The following CDKL1 variants were observed in gnomAD, a reference collection of about 807,000 sequenced individuals.
The protein encoded by CDKL1 is cyclin-dependent kinase-like 1.
A neutral mutation model predicts 42.0 loss-of-function variants in CDKL1; 41 were observed. The observed-to-expected ratio is 0.98, with a 90% CI of 0.76 to 1.27. The LOEUF is 1.27. CDKL1 is among the 50% of genes most tolerant of loss of function. CDKL1 has a pLI of 0.00. For synonymous variants in CDKL1, 153 were observed against 158.6 expected, an observed-to-expected ratio of 0.96 and a Z score of 0.26; for missense variants, 394 against 428.4, an observed-to-expected ratio of 0.92 and a Z score of 0.71.
At chr14:50,394,113 T>A (rs569230609) in intron 2 of CDKL1, among the ~76,000 whole-genome samples, 1 of 152,338 alleles carries the variant, frequency 6.6e-6, no homozygotes, top group South Asian at 2.1e-4. Flanking sequence ...TTCACAAAAG[T>A]AATCTTCAGA....
chr14:50,383,142 A>AT (rs2034969301), intron 2 of CDKL1, among the ~76,000 whole-genome samples: 1 of 151,824 alleles, frequency 6.6e-6, no homozygotes, highest in Non-Finnish European at 1.5e-5. Flanking sequence ...GTTAGCCAGG[A>AT]GGTCTCCATC....
In CDKL1 at chr14:50,351,249, G is replaced by A. The variant is rs556319279; in HGVS notation, c.291-6191C>T. On this transcript the variant is annotated intron_variant, in intron 3 of 9. Transcript: ENST00000395834. The stretch of plus-strand genomic sequence containing the variant: ...AATGAATCTGACCACAGAGAAATGC[G>A]GCAGGAATTACAAGGATGATGGCAA... Among the ~76,000 whole-genome samples the A allele has an allele frequency of 7.0e-4, 107 of 151,828 alleles. 1 individual carries two copies. The South Asian group carries it at 0.022, about 31-fold the overall frequency.
intron 2 of CDKL1, among the ~76,000 whole-genome samples, chr14:50,394,179 C>G (rs11570789): frequency 1.8e-4 from 28 of 152,196 alleles, no homozygotes; most frequent in African/African-American, 5.1e-4. Flanking sequence ...GTAAATGAAC[C>G]CTTTGAAATG....
intron 3 of CDKL1, among the ~76,000 whole-genome samples, chr14:50,355,403 T>C (rs967987478): frequency 1.3e-5 from 2 of 152,254 alleles, no homozygotes; most frequent in African/African-American, 4.8e-5. Context: ...AATTGCCTTC[T>C]GGACAGGTTG....
chr14:50,371,940 T>C (rs1033563040), intron 2 of CDKL1, among the ~76,000 whole-genome samples: 6 of 152,204 alleles, frequency 3.9e-5, no homozygotes, highest in Non-Finnish European at 5.9e-5. Flanking sequence ...GGTGTGCGCA[T>C]GCTCAGGGAC....
At position 50,341,461 on chromosome 14, in the gene CDKL1, G is replaced by A. The variant is rs955296661; in HGVS notation, c.455-229C>T. ...CAGAATCCCTGGGGAGGGTCTGGGG[G>A]GGGGGGGGGGGTTATTTGGCTTAGA... On this transcript the variant is annotated intron_variant, in intron 5 of 9. Coordinates refer to ENST00000395834, the MANE Select transcript of CDKL1 (RefSeq NM_004196.7). 8.0e-4 allele frequency among the ~76,000 whole-genome samples: 65 copies of A among 80,860 alleles called. 2 individuals carry two copies. Among genetic ancestry groups the A allele is most frequent in the African/African-American group, 5.5e-3 (60 of 10,998 alleles). The allele number at this position is 80,860 out of a possible 152,430, so 53.0% of individuals were successfully genotyped here. A position where few individuals can be genotyped will look rare whatever the true frequency, so the allele number is the denominator to read the frequency against.
At chr14:50,366,644 A>G (rs2034443490) in intron 2 of CDKL1, among the ~76,000 whole-genome samples, 1 of 152,230 alleles carries the variant, frequency 6.6e-6, no homozygotes. Context: ...GATAGCTGAC[A>G]TTGTGGTGAC....
intron 4 of CDKL1, 26 bp from the exon 5 acceptor site, chr14:50,342,248 C>T (rs1366983658): frequency 3.8e-6 from 6 of 1,585,314 alleles, no homozygotes; most frequent in Non-Finnish European, 5.2e-6. Flanking sequence ...AAAACAAAAA[C>T]AATATTAAGG....
intron 7 of CDKL1, among the ~76,000 whole-genome samples, chr14:50,337,839 C>T (rs1843602774): frequency 6.6e-6 from 1 of 151,828 alleles, no homozygotes. Context: ...TGCCACCATG[C>T]TAGGCCAACT....
At chr14:50,351,796 A>C (rs2033913093) in intron 3 of CDKL1, among the ~76,000 whole-genome samples, 2 of 152,296 alleles carry the variant, frequency 1.3e-5, no homozygotes, top group South Asian at 4.1e-4. Context: ...ATGTCAAGCA[A>C]ATTTTAAAAC....
intron 2 of CDKL1, chr14:50,377,831 A>G: frequency 4.9e-6 from 4 of 812,506 alleles, no homozygotes; most frequent in Non-Finnish European, 6.6e-6. Flanking sequence ...AAGAAAAAAG[A>G]AAATGACAGG....
intron 2 of CDKL1, among the ~76,000 whole-genome samples, chr14:50,374,486 C>A (rs932117641): frequency 6.6e-6 from 1 of 152,182 alleles, no homozygotes; most frequent in African/African-American, 2.4e-5. Flanking sequence ...CAAAAAGAAT[C>A]TAACTATATT....
intron 2 of CDKL1, among the ~76,000 whole-genome samples, chr14:50,389,558 G>A (rs973922233): frequency 6.6e-6 from 1 of 151,988 alleles, no homozygotes; most frequent in Non-Finnish European, 1.5e-5. Context: ...TCTGCATTAC[G>A]TTGTGATATT....
At chr14:50,351,787 T>G (rs191325319) in intron 3 of CDKL1, among the ~76,000 whole-genome samples, 1 of 147,690 alleles carries the variant, frequency 6.8e-6, no homozygotes, top group African/African-American at 2.5e-5. Context: ...GATTAAAGAA[T>G]GTCAAGCAAA....
chr14:50,373,932 C>T (rs2034657251), intron 2 of CDKL1, among the ~76,000 whole-genome samples: 1 of 152,136 alleles, frequency 6.6e-6, no homozygotes, highest in African/African-American at 2.4e-5. Flanking sequence ...TAGGTATTTA[C>T]CCAAATGGTT....
intron 2 of CDKL1, among the ~76,000 whole-genome samples, chr14:50,370,466 A>C (rs2034559879): frequency 6.6e-6 from 1 of 152,094 alleles, no homozygotes; most frequent in South Asian, 2.1e-4. Flanking sequence ...CTCTTGTCTA[A>C]GATTTTGTAC....
chr14:50,353,707 T>C (rs1414589409), intron 3 of CDKL1, among the ~76,000 whole-genome samples: 4 of 151,888 alleles, frequency 2.6e-5, no homozygotes, highest in African/African-American at 7.3e-5. Context: ...TAGATATGTA[T>C]AGATAGGGAG....
Position 50,355,183 on chromosome 14 carries a change from C to T in CDKL1, c.290+3845G>A, listed in dbSNP as rs145855777. Among the ~76,000 whole-genome samples the T allele has an allele frequency of 2.8e-4, 43 of 151,994 alleles. 2 individuals are homozygous for T. The highest frequency in any genetic ancestry group is 2.5e-3 in the South Asian group (12 of 4,822). On this transcript the variant is annotated intron_variant, in intron 3 of 9. Transcript: ENST00000395834. ...TATCATAAAACTTTATTATAATTTA[C>T]GTAACTAATTATCTATTGTTGGATA...
At chr14:50,362,570 T>C (rs1046647149) in intron 2 of CDKL1, among the ~76,000 whole-genome samples, 1 of 151,112 alleles carries the variant, frequency 6.6e-6, no homozygotes, top group Admixed American at 6.6e-5. Context: ...GGATTGTAAA[T>C]ACACCAATCA....
Sources: allele counts gnomAD v4.1 joint callset (sites outside exome capture counted in the v4.1 genomes callset), GRCh38; gene constraint gnomAD v4.1.1; transcripts MANE v1.5; gene names NCBI Gene and HGNC (gene_info 2026-07-23, HGNC 2026-07-21).